Variants in FER observed in about 807,000 individuals in gnomAD.
The protein encoded by FER is FER tyrosine kinase.
A neutral mutation model predicts 111.0 loss-of-function variants in FER; 63 were observed. The observed-to-expected ratio is 0.57, with a 90% CI of 0.46 to 0.70. The LOEUF is 0.70. Among genes scored for constraint, FER ranks in the 30% least tolerant of loss-of-function variants. The pLI, the probability that FER is intolerant of heterozygous loss-of-function variation, is 0.00. For synonymous variants in FER, 327 were observed against 313.9 expected (o/e 1.04, Z -0.44); for missense variants, 914 against 954.0 (o/e 0.96, Z 0.55).
At chr5:108,792,854 C>T (rs1755540161) in intron 2 of FER, among the ~76,000 whole-genome samples, 2 of 151,534 alleles carry the variant, frequency 1.3e-5, no homozygotes, top group Admixed American at 1.3e-4. Flanking sequence ...GTACCCTGTA[C>T]TATTACTTAT....
rs1042384583 is a variant in FER, at chr5:109,047,311, A to G, written c.1924+113A>G. 9.8e-6 allele frequency: 6 copies of G among 612,078 alleles called. No homozygotes were observed. The East Asian group carries it at 1.8e-4, about 19-fold the overall frequency. The allele number at this position is 612,078 out of a possible 1,614,324, so 37.9% of individuals were successfully genotyped here. On this transcript the variant is annotated intron_variant, in intron 16 of 19. Transcript: ENST00000281092. ...GTAAAGTCTCCAAGGATTTTGTTTA[A>G]CATTTCCAGATAACAAAAGAGTCTG...
At chr5:109,049,553 AAAG>A (rs1772456528) in intron 16 of FER, among the ~76,000 whole-genome samples, 1 of 152,164 alleles carries the variant, frequency 6.6e-6, no homozygotes, top group Non-Finnish European at 1.5e-5. Flanking sequence ...GTTACTAGCT[AAAG>A]AATACTCTCT....
intron 4 of FER, among the ~76,000 whole-genome samples, chr5:108,834,612 T>G (rs1760414805): frequency 2.0e-5 from 3 of 151,318 alleles, no homozygotes; most frequent in Admixed American, 2.0e-4. Flanking sequence ...GCATGAGAAT[T>G]GCTTGAACAC....
chr5:109,014,299 A>T (rs1036389613), intron 13 of FER, among the ~76,000 whole-genome samples: 1 of 152,148 alleles, frequency 6.6e-6, no homozygotes, highest in South Asian at 2.1e-4. Context: ...CTTTCTACAT[A>T]TGGCTAGCCA....
rs1217091262 is a variant in FER, at chr5:109,044,676, T to C, written c.1714-4T>C. On this transcript the variant is annotated splice_region_variant and splice_polypyrimidine_tract_variant and intron_variant, in intron 14 of 19. Coordinates refer to ENST00000281092, the MANE Select transcript of FER (RefSeq NM_005246.4). Reference sequence around the variant, plus strand: ...CCAGACAATGAATGTATTTCTATTTTCAGGGAAATTTTGGTGAAGTATATA... The same window carrying C: ...CCAGACAATGAATGTATTTCTATTTCCAGGGAAATTTTGGTGAAGTATATA... The C allele has an allele frequency of 1.4e-6, 2 of 1,428,604 alleles. No individual in the cohort carries two copies. The highest frequency in any genetic ancestry group is 1.8e-4 in the Middle Eastern group (1 of 5,522). The allele number at this position is 1,428,604 out of a possible 1,614,324, so 88.5% of individuals were successfully genotyped here.
intron 10 of FER, among the ~76,000 whole-genome samples, chr5:108,916,440 G>T (rs1752270389): frequency 6.7e-6 from 1 of 150,346 alleles, no homozygotes; most frequent in African/African-American, 2.5e-5. Flanking sequence ...AATAATTTGG[G>T]TACCCCCCCG....
At chr5:109,174,851 A>G (rs1757511581) in intron 17 of FER, among the ~76,000 whole-genome samples, 1 of 152,288 alleles carries the variant, frequency 6.6e-6, no homozygotes, top group East Asian at 1.9e-4. Flanking sequence ...ATTGAGAAGC[A>G]TAGTAGGTGG....
intron 10 of FER, among the ~76,000 whole-genome samples, chr5:108,920,307 T>G (rs1173432784): frequency 3.9e-5 from 6 of 152,254 alleles, no homozygotes; most frequent in Admixed American, 2.6e-4. Flanking sequence ...GTAGAAGGAA[T>G]GCTTTTGTTA....
intron 13 of FER, among the ~76,000 whole-genome samples, chr5:109,004,785 C>T (rs918970740): frequency 2.0e-5 from 3 of 152,022 alleles, no homozygotes; most frequent in Non-Finnish European, 4.4e-5. Context: ...TGGTTTTGCA[C>T]CTTATGAAAC....
At chr5:108,754,289 T>C (rs953968679) in intron 1 of FER, among the ~76,000 whole-genome samples, 4 of 151,506 alleles carry the variant, frequency 2.6e-5, no homozygotes, top group Non-Finnish European at 4.4e-5. Context: ...CATGTGCTTG[T>C]ACTACTACTA....
chr5:109,144,147 T>C (rs547635605), intron 17 of FER, among the ~76,000 whole-genome samples: 132 of 152,278 alleles, frequency 8.7e-4, no homozygotes, highest in African/African-American at 3.2e-3. Flanking sequence ...TAGAGAGCTC[T>C]CTGGACTCTG....
At chr5:108,867,125 T>C (rs1483470611) in intron 5 of FER, among the ~76,000 whole-genome samples, 2 of 152,152 alleles carry the variant, frequency 1.3e-5, no homozygotes, top group Non-Finnish European at 2.9e-5. Context: ...TCACTCAATA[T>C]TGCAGTTCAC....
At chr5:108,857,569 A>T (rs926879610) in intron 5 of FER, among the ~76,000 whole-genome samples, 2 of 152,030 alleles carry the variant, frequency 1.3e-5, no homozygotes, top group Non-Finnish European at 2.9e-5. Context: ...TACTCTTCAG[A>T]TTTTCACCCA....
intron 3 of FER, among the ~76,000 whole-genome samples, chr5:108,822,757 TA>T (rs1759017832): frequency 2.6e-5 from 3 of 115,220 alleles, no homozygotes; most frequent in African/African-American, 1.0e-4. Flanking sequence ...TATTTTATTT[TA>T]TTTTATTTAT....
intron 3 of FER, among the ~76,000 whole-genome samples, chr5:108,823,115 C>G (rs995829039): frequency 7.2e-5 from 11 of 152,228 alleles, no homozygotes; most frequent in Admixed American, 6.5e-5. Context: ...GATCTGCCCC[C>G]CTTGGCCTCC....
intron 4 of FER, among the ~76,000 whole-genome samples, chr5:108,833,160 A>G (rs898622753): frequency 6.6e-6 from 1 of 152,184 alleles, no homozygotes; most frequent in African/African-American, 2.4e-5. Context: ...GAGGCTCCCA[A>G]TTAAACTATG....
At chr5:108,816,737 A>G (rs980322831) in intron 3 of FER, among the ~76,000 whole-genome samples, 1 of 152,166 alleles carries the variant, frequency 6.6e-6, no homozygotes, top group African/African-American at 2.4e-5. Flanking sequence ...GTACTGATGT[A>G]TAGACCCCAT....
chr5:108,941,831 T>C (rs755383682), intron 10 of FER, among the ~76,000 whole-genome samples: 3 of 152,158 alleles, frequency 2.0e-5, no homozygotes, highest in Non-Finnish European at 4.4e-5. Flanking sequence ...AGAGGATCTT[T>C]AGGACAGTGT....
chr5:108,901,440 T>C (rs1356520668), intron 10 of FER, among the ~76,000 whole-genome samples: 1 of 151,920 alleles, frequency 6.6e-6, no homozygotes, highest in African/African-American at 2.4e-5. Context: ...TTTGAGGAGA[T>C]AGGTTGTTAA....
Sources: gnomAD v4.1 joint callset for allele counts (sites outside exome capture counted in the v4.1 genomes callset) on GRCh38, gnomAD v4.1.1 for gene constraint, MANE v1.5 for transcripts, NCBI Gene and HGNC (gene_info 2026-07-23, HGNC 2026-07-21) for gene names.